The following TMEM74 variants were observed in gnomAD, a reference collection of about 807,000 sequenced individuals.
The protein encoded by TMEM74 is transmembrane protein 74.
TMEM74 carries 13 observed loss-of-function variants against 18.1 expected under a neutral mutation model. The ratio of observed to expected loss-of-function variants is 0.72; its 90% confidence interval spans 0.47 to 1.14. The LOEUF (loss-of-function observed/expected upper bound fraction) is 1.14, where lower values mean the gene tolerates loss of function less well. Ranked by LOEUF, TMEM74 falls within the 50% of genes most tolerant of loss-of-function variation. The pLI, the probability that TMEM74 is intolerant of heterozygous loss-of-function variation, is 0.00. For missense variants in TMEM74, 372 were observed against 375.9 expected, an observed-to-expected ratio of 0.99 and a Z score of 0.09; for synonymous variants, 159 against 146.6, an observed-to-expected ratio of 1.08 and a Z score of -0.61.
chr8:108,755,436 A>G (rs1381040458), intron 1 of TMEM74, among the ~76,000 whole-genome samples: 4 of 152,104 alleles, frequency 2.6e-5, no homozygotes, highest in Non-Finnish European at 2.9e-5. Flanking sequence ...AAACTAATAT[A>G]ACCTACACAT....
At chr8:108,699,190 T>TTCCTTCCTTCCTTCCTTCCTTCCTTCCC in intron 1 of TMEM74, among the ~76,000 whole-genome samples, 1 of 110,784 alleles carries the variant, frequency 9.0e-6, no homozygotes, top group African/African-American at 3.5e-5. Flanking sequence ...CCTTCCTCCC[T>TTCCTTCCTTCCTTCCTTCCTTCCTTCCC]CCCTCCCTCC....
chr8:108,756,798 G>GAGGAAGGAAGGA (rs60134137), intron 1 of TMEM74, among the ~76,000 whole-genome samples: 47 of 123,102 alleles, frequency 3.8e-4, no homozygotes, highest in African/African-American at 1.1e-3. Flanking sequence ...GAGGGAAGGG[G>GAGGAAGGAAGGA]AGGAAGGAAG....
intron 1 of TMEM74, among the ~76,000 whole-genome samples, chr8:108,698,056 T>C (rs1324216565): frequency 6.6e-6 from 1 of 152,208 alleles, no homozygotes; most frequent in African/African-American, 2.4e-5. Context: ...AAAGTCTGTG[T>C]CCTGCCTGTG....
chr8:108,786,879 T>C (rs1227465884), intron 1 of TMEM74, among the ~76,000 whole-genome samples: 1 of 152,196 alleles, frequency 6.6e-6, no homozygotes, highest in African/African-American at 2.4e-5. Flanking sequence ...CTTAATTCCC[T>C]ACGGCCGCCT....
chr8:108,766,505 A>T (rs80191013), intron 1 of TMEM74, among the ~76,000 whole-genome samples: 1 of 152,120 alleles, frequency 6.6e-6, no homozygotes, highest in Admixed American at 6.5e-5. Flanking sequence ...GCCCTCATTC[A>T]TGGAAACATG....
At position 108,784,608 on chromosome 8, in the gene TMEM74, C is replaced by A; in HGVS notation, c.491G>T (p.Ser164Ile). The A allele has an allele frequency of 6.2e-7, 1 of 1,614,162 alleles. No homozygotes were observed. The highest frequency in any genetic ancestry group is 8.5e-7 in the Non-Finnish European group (1 of 1,180,020). Residue 164 changes from serine to isoleucine, a missense_variant, in exon 2 of 2, where the codon AGT becomes ATT. Ser to Ile is a moderately radical substitution (Grantham distance 142). Coordinates refer to ENST00000297459, the MANE Select transcript of TMEM74 (RefSeq NM_153015.3). The stretch of plus-strand genomic sequence containing the variant: ...CTTCCCTGAAGACGTGGCTTCTGAA[C>A]TTGTATCATCCTCCTCTTCAGATAT... ...SLISEEEDDT[S>I]SEATSSGKSI...
Position 108,720,187 on chromosome 8 carries a change from T to TAA in TMEM74, n.120-64752_120-64751dup, listed in dbSNP as rs5893933. On this transcript the variant is annotated intron_variant and non_coding_transcript_variant, in intron 1 of 3. Coordinates refer to the TMEM74 transcript ENST00000518838. ...GCAGACCAGCTGTCCCCAAATTTTG[T>TAA]AAAAAAAAAAAGTATTTATAGATAT... is the stretch of plus-strand genomic sequence containing the variant. Among the ~76,000 whole-genome samples, 343 of 147,914 alleles carry TAA rather than the reference T, an allele frequency of 2.3e-3. 1 individual carries two copies. The highest frequency in any genetic ancestry group is 6.4e-3 in the African/African-American group (261 of 40,498).
At chr8:108,662,967 C>T (rs759303558) in intron 1 of TMEM74, among the ~76,000 whole-genome samples, 1 of 152,086 alleles carries the variant, frequency 6.6e-6, no homozygotes, top group Non-Finnish European at 1.5e-5. Flanking sequence ...TAATGTGATG[C>T]CTCCAGGTTT....
chr8:108,661,976 T>A (rs1812904197), intron 1 of TMEM74, among the ~76,000 whole-genome samples: 1 of 152,130 alleles, frequency 6.6e-6, no homozygotes, highest in African/African-American at 2.4e-5. Flanking sequence ...ATTTACAATT[T>A]TCCATCTCTG....
At chr8:108,735,594 G>T (rs981208769) in intron 1 of TMEM74, among the ~76,000 whole-genome samples, 1 of 152,010 alleles carries the variant, frequency 6.6e-6, no homozygotes, top group Non-Finnish European at 1.5e-5. Flanking sequence ...ACTACATTTT[G>T]TTTAACCTCT....
intron 1 of TMEM74, among the ~76,000 whole-genome samples, chr8:108,753,760 TTGATA>T (rs1436174510): frequency 4.6e-5 from 7 of 152,118 alleles, no homozygotes; most frequent in Non-Finnish European, 1.0e-4. Context: ...TTGCTTTAAA[TTGATA>T]TGTGAGTTTA....
At chr8:108,637,389 T>G (rs1257383225) in intron 2 of TMEM74, among the ~76,000 whole-genome samples, 1 of 152,102 alleles carries the variant, frequency 6.6e-6, no homozygotes, top group African/African-American at 2.4e-5. Flanking sequence ...CTGGAACCTA[T>G]AAGTATGTTA....
chr8:108,666,335 G>A (rs1386842803), intron 1 of TMEM74, among the ~76,000 whole-genome samples: 2 of 152,170 alleles, frequency 1.3e-5, no homozygotes, highest in Non-Finnish European at 1.5e-5. Flanking sequence ...GTAACTACGA[G>A]TTGAGTGATT....
chr8:108,620,545 T>C (rs1812429149), intron 2 of TMEM74, among the ~76,000 whole-genome samples: 1 of 152,124 alleles, frequency 6.6e-6, no homozygotes, highest in African/African-American at 2.4e-5. Flanking sequence ...GTATGAAAAA[T>C]CAGGCCCCAA....
At chr8:108,638,322 G>A (rs981164180) in intron 2 of TMEM74, among the ~76,000 whole-genome samples, 4 of 151,980 alleles carry the variant, frequency 2.6e-5, no homozygotes, top group African/African-American at 9.7e-5. Flanking sequence ...AAGTTTTTAA[G>A]GTTGTCTATT....
chr8:108,750,872 G>T (rs750085893), intron 1 of TMEM74, among the ~76,000 whole-genome samples: 2 of 151,896 alleles, frequency 1.3e-5, no homozygotes, highest in Non-Finnish European at 1.5e-5. Context: ...TGCCTGCTTG[G>T]GTCTCTTCCA....
chr8:108,657,751 G>A (rs1384446192), intron 1 of TMEM74, among the ~76,000 whole-genome samples: 8 of 147,652 alleles, frequency 5.4e-5, no homozygotes, highest in Non-Finnish European at 8.9e-5. Flanking sequence ...GCTGAGGCAG[G>A]AGAATAGCTT....
chr8:108,724,865 T>C (rs578090822), intron 1 of TMEM74, among the ~76,000 whole-genome samples: 1 of 152,254 alleles, frequency 6.6e-6, no homozygotes, highest in Admixed American at 6.5e-5. Flanking sequence ...TTTGACTTAT[T>C]TAAGGAAGAT....
Position 108,784,582 on chromosome 8 carries a change from A to G in TMEM74, c.517T>C (p.Ser173Pro). 1 of 1,614,030 alleles carries G rather than the reference A, an allele frequency of 6.2e-7. No individual in the cohort carries two copies. The highest frequency in any genetic ancestry group is 8.5e-7 in the Non-Finnish European group (1 of 1,180,006). Reference protein sequence around the residue: ...TSSEATSSGKSIDYGFISAIL... With the variant: ...TSSEATSSGKPIDYGFISAIL... ...GCGCTGATGAAACCATAGTCTATAGACTTCCCTGAAGACGTGGCTTCTGAA... is the reference window on the plus strand; with the variant it reads ...GCGCTGATGAAACCATAGTCTATAGGCTTCCCTGAAGACGTGGCTTCTGAA... The change falls in exon 2 of 2, where the codon TCT (serine) becomes CCT (proline). Residue 173 changes from serine to proline, a missense_variant. By Grantham distance (74) the Ser-to-Pro change is moderately conservative. Coordinates refer to ENST00000297459, the MANE Select transcript of TMEM74 (RefSeq NM_153015.3).
Sources: allele counts gnomAD v4.1 joint callset (sites outside exome capture counted in the v4.1 genomes callset), GRCh38; gene constraint gnomAD v4.1.1; transcripts MANE v1.5; gene names NCBI Gene and HGNC (gene_info 2026-07-23, HGNC 2026-07-21).